TMEM182: variants seen among roughly 807,000 people sequenced by gnomAD.
TMEM182 encodes the protein transmembrane protein 182.
In TMEM182, 20 loss-of-function variants were observed where a neutral mutation model predicts 26.8. The ratio of observed to expected loss-of-function variants is 0.75; its 90% confidence interval spans 0.53 to 1.09. The LOEUF (loss-of-function observed/expected upper bound fraction) is 1.09, where lower values mean the gene tolerates loss of function less well. Among genes scored for constraint, TMEM182 ranks in the 50% least tolerant of loss-of-function variants. The pLI is 0.00. For missense variants in TMEM182, 277 were observed against 275.5 expected (o/e 1.01, Z -0.04); for synonymous variants, 109 against 102.2 (o/e 1.07, Z -0.40).
chr2:102,795,721 A>T (rs1431723580), intron 3 of TMEM182, among the ~76,000 whole-genome samples: 2 of 151,738 alleles, frequency 1.3e-5, no homozygotes, highest in Non-Finnish European at 2.9e-5. Context: ...GGAATTTTAG[A>T]GTCTTTTCTT....
chr2:102,835,807 C>T (rs1183134500), intron 3 of TMEM182, among the ~76,000 whole-genome samples: 1 of 151,792 alleles, frequency 6.6e-6, no homozygotes, highest in East Asian at 1.9e-4. Context: ...ATTAACTCGT[C>T]ATTTACATTA....
At chr2:102,778,107 C>T (rs183816211) in intron 3 of TMEM182, among the ~76,000 whole-genome samples, 306 of 152,040 alleles carry the variant, frequency 2.0e-3, no homozygotes, top group African/African-American at 6.8e-3. Flanking sequence ...AGAGAGGTGT[C>T]GAAGTCTCCA....
chr2:102,818,572 G>T (rs968128910), downstream of TMEM182, among the ~76,000 whole-genome samples: 5 of 152,136 alleles, frequency 3.3e-5, no homozygotes, highest in South Asian at 1.0e-3. Context: ...AGTCTGGAAC[G>T]ACAATGGAGA....
At chr2:102,747,513 T>C (rs1192132826) in intron 1 of TMEM182, among the ~76,000 whole-genome samples, 1 of 152,220 alleles carries the variant, frequency 6.6e-6, no homozygotes, top group Non-Finnish European at 1.5e-5. Context: ...AATTGTTGAA[T>C]ATGGTGGCAG....
intron 4 of TMEM182, among the ~76,000 whole-genome samples, chr2:102,803,318 G>A (rs757658068): frequency 1.3e-5 from 2 of 152,214 alleles, no homozygotes; most frequent in African/African-American, 4.8e-5. Context: ...GCGGCAAAAT[G>A]CCTGAAGCAC....
rs186292846 is a variant in TMEM182, at chr2:102,765,306, G to A, written c.331+879G>A. On this transcript the variant is annotated intron_variant, in intron 3 of 4. Coordinates refer to ENST00000412401, the MANE Select transcript of TMEM182 (RefSeq NM_144632.5). ...TGATGTTGCAATCTCCAGTCTGAAG[G>A]CTGGACACTCCAGTAGAATTTTTCT... Among the ~76,000 whole-genome samples, 583 of 152,208 alleles carry A rather than the reference G, an allele frequency of 3.8e-3. 8 individuals carry two copies. The highest frequency in any genetic ancestry group is 0.013 in the African/African-American group (557 of 41,526).
At chr2:102,761,050 G>A (rs796601882), upstream of TMEM182, among the ~76,000 whole-genome samples, 30 of 152,306 alleles carry the variant, frequency 2.0e-4, no homozygotes, top group African/African-American at 7.0e-4. Context: ...TGGTAGAGTT[G>A]AGATGCCCCC....
At chr2:102,807,020 T>C (rs1328053398) in intron 4 of TMEM182, among the ~76,000 whole-genome samples, 1 of 152,162 alleles carries the variant, frequency 6.6e-6, no homozygotes, top group Non-Finnish European at 1.5e-5. Context: ...TAATTACTTG[T>C]GGAAATAGGT....
At position 102,762,463 on chromosome 2, in the gene TMEM182, T is replaced by A; in HGVS notation, c.132+114T>A. On this transcript the variant is annotated intron_variant, in intron 1 of 4. Transcript: ENST00000412401. Reference sequence around the variant, plus strand: ...TGTCTATTTCTTCATGGAAGAGATATGTAGAAAGCTACTGAGCTTCATTAT... The same window carrying A: ...TGTCTATTTCTTCATGGAAGAGATAAGTAGAAAGCTACTGAGCTTCATTAT... 22 of 1,523,952 alleles carry A rather than the reference T, an allele frequency of 1.4e-5. 1 individual carries two copies. The Admixed American group carries it at 2.9e-4, about 20-fold the overall frequency. 94.4% of individuals were successfully genotyped at this position (1,523,952 alleles called of 1,614,324 possible). A position where few individuals can be genotyped will look rare whatever the true frequency, so the allele number is the denominator to read the frequency against.
At chr2:102,736,962 G>A (rs1434593370) in exon 1 of TMEM182, 4 of 913,670 alleles carry the variant, frequency 4.4e-6, no homozygotes, top group East Asian at 2.8e-5. Context: ...GCCGGTGCTG[G>A]CTGGGAGTTC....
intron 3 of TMEM182, among the ~76,000 whole-genome samples, chr2:102,765,229 G>C (rs1325732457): frequency 6.6e-6 from 1 of 152,116 alleles, no homozygotes; most frequent in Non-Finnish European, 1.5e-5. Context: ...GTAAGGCCTG[G>C]TGAGTCTGAA....
downstream of TMEM182, among the ~76,000 whole-genome samples, chr2:102,818,813 A>G (rs999609435): frequency 1.3e-5 from 2 of 151,970 alleles, no homozygotes; most frequent in African/African-American, 2.4e-5. Flanking sequence ...TGATCTCTAT[A>G]TAGATAGATA....
chr2:102,785,730 A>T (rs963393434), intron 3 of TMEM182, among the ~76,000 whole-genome samples: 1 of 152,210 alleles, frequency 6.6e-6, no homozygotes, highest in Non-Finnish European at 1.5e-5. Flanking sequence ...TACCTAAGAG[A>T]AAGATTCCAA....
At chr2:102,817,845 T>TA (rs35715047), downstream of TMEM182, among the ~76,000 whole-genome samples, 109 of 151,642 alleles carry the variant, frequency 7.2e-4, 1 homozygote, top group East Asian at 0.011. Flanking sequence ...CTAAGCAAGT[T>TA]AAAAAAAAAT....
chr2:102,802,758 G>A (rs115648310), intron 4 of TMEM182, among the ~76,000 whole-genome samples: 68 of 152,338 alleles, frequency 4.5e-4, no homozygotes, highest in African/African-American at 1.5e-3. Flanking sequence ...TATGTCAGCA[G>A]GACATCTACG....
At chr2:102,741,110 T>G (rs974582913) in intron 1 of TMEM182, among the ~76,000 whole-genome samples, 1 of 152,122 alleles carries the variant, frequency 6.6e-6, no homozygotes, top group Non-Finnish European at 1.5e-5. Flanking sequence ...CCAACAACTT[T>G]TCATAGATAC....
chr2:102,813,867 G>A (rs1298930104), intron 4 of TMEM182, among the ~76,000 whole-genome samples: 1 of 152,050 alleles, frequency 6.6e-6, no homozygotes, highest in African/African-American at 2.4e-5. Context: ...CCTCTAGTTA[G>A]TGGTTAGGCA....
At chr2:102,823,693 A>G (rs1442596807) in intron 3 of TMEM182, among the ~76,000 whole-genome samples, 1 of 152,182 alleles carries the variant, frequency 6.6e-6, no homozygotes, top group African/African-American at 2.4e-5. Context: ...ATGCATCCTC[A>G]AGGAGATATG....
intron 1 of TMEM182, among the ~76,000 whole-genome samples, chr2:102,740,974 C>G (rs548693004): frequency 1.3e-3 from 201 of 152,294 alleles, no homozygotes; most frequent in African/African-American, 4.4e-3. Context: ...AACACATGCT[C>G]TATGATTCCT....
Sources: gnomAD v4.1 joint callset for allele counts (sites outside exome capture counted in the v4.1 genomes callset) on GRCh38, gnomAD v4.1.1 for gene constraint, MANE v1.5 for transcripts, NCBI Gene and HGNC (gene_info 2026-07-23, HGNC 2026-07-21) for gene names.